SNAP23: variants seen among roughly 807,000 people sequenced by gnomAD.
SNAP23 encodes synaptosomal-associated protein 23.
Under a neutral mutation model 29.0 loss-of-function variants are expected in SNAP23, and 11 were observed. The observed-to-expected ratio is 0.38, with a 90% CI of 0.24 to 0.63. SNAP23 has a LOEUF of 0.63. Ranked by LOEUF, SNAP23 falls within the 20% of genes least tolerant of loss-of-function variation. The pLI is 0.58. For missense variants in SNAP23, 220 were observed against 253.9 expected (o/e 0.87, Z 0.91); for synonymous variants, 60 against 82.9 (o/e 0.72, Z 1.50).
intron 2 of SNAP23, chr15:42,512,266 T>A (rs2141524761): frequency 6.4e-6 from 1 of 157,378 alleles, no homozygotes; most frequent in African/African-American, 2.4e-5. Context: ...ACCATCCAAA[T>A]ATTCTCTTTT....
chr15:42,494,370 A>G (rs570698365), upstream of SNAP23, among the ~76,000 whole-genome samples: 13 of 151,492 alleles, frequency 8.6e-5, no homozygotes, highest in South Asian at 6.3e-4. Flanking sequence ...ATCCCTTAGG[A>G]ATAGACTACT....
intron 1 of SNAP23, among the ~76,000 whole-genome samples, chr15:42,503,309 C>T (rs2057291034): frequency 6.6e-6 from 1 of 151,806 alleles, no homozygotes; most frequent in Admixed American, 6.6e-5. Context: ...TCAAGTGATT[C>T]TCCTGCCTTA....
chr15:42,513,378 G>T (rs1468097866), intron 3 of SNAP23, 21 bp from the exon 4 acceptor site: 4 of 1,611,724 alleles, frequency 2.5e-6, no homozygotes, highest in Non-Finnish European at 3.4e-6. Context: ...TGTACTATCA[G>T]CTTTTCCCCC....
intron 1 of SNAP23, among the ~76,000 whole-genome samples, chr15:42,505,967 CAG>C (rs1036885062): frequency 1.3e-5 from 2 of 149,578 alleles, no homozygotes; most frequent in Admixed American, 1.3e-4. Flanking sequence ...TTTTTTGAGA[CAG>C]AGTCTTGCTC....
intron 5 of SNAP23, among the ~76,000 whole-genome samples, chr15:42,519,222 T>C (rs2057423349): frequency 1.3e-5 from 2 of 151,658 alleles, no homozygotes; most frequent in Admixed American, 1.3e-4. Flanking sequence ...GCCCAGCTAA[T>C]TTTTGTATTT....
At chr15:42,515,143 T>C in intron 4 of SNAP23, 94 bp from the exon 5 acceptor site, 2 of 720,532 alleles carry the variant, frequency 2.8e-6, no homozygotes, top group East Asian at 2.6e-5. Context: ...TATTGGTAGA[T>C]TCAAGGTTGA....
At chr15:42,492,495 TG>T (rs1288721041), upstream of SNAP23, among the ~76,000 whole-genome samples, 3 of 151,612 alleles carry the variant, frequency 2.0e-5, no homozygotes, top group African/African-American at 7.3e-5. Flanking sequence ...CTGGCCAACA[TG>T]GTGAAACCCC....
At chr15:42,511,067 T>C (rs935899899) in intron 1 of SNAP23, among the ~76,000 whole-genome samples, 3 of 152,244 alleles carry the variant, frequency 2.0e-5, no homozygotes, top group African/African-American at 7.2e-5. Flanking sequence ...ATGCTTGTTA[T>C]TACTCCACAT....
chr15:42,528,137 AC>A, intron 5 of SNAP23, 124 bp from the exon 6 acceptor site: 1 of 532,516 alleles, frequency 1.9e-6, no homozygotes, highest in Middle Eastern at 5.0e-4. Flanking sequence ...GATCATCTAG[AC>A]TTAGCTGTAT....
chr15:42,507,553 C>A (rs376783374), intron 1 of SNAP23, among the ~76,000 whole-genome samples: 1 of 152,146 alleles, frequency 6.6e-6, no homozygotes, highest in Non-Finnish European at 1.5e-5. Flanking sequence ...GAGAAAAGTA[C>A]GTTTAATGGC....
Position 42,503,515 on chromosome 15 carries a change from A to G in SNAP23, c.-15+7802A>G, listed in dbSNP as rs147999641. Among the ~76,000 whole-genome samples, 1,477 of 151,984 alleles carry G rather than the reference A, an allele frequency of 9.7e-3. 17 individuals are homozygous for G. Among genetic ancestry groups the G allele is most frequent in the African/African-American group, 0.034 (1,414 of 41,440 alleles). On this transcript the variant is annotated intron_variant, in intron 1 of 7. Transcript: ENST00000249647. ...CTCCCAAGTAGCTAGGATTACAGGC[A>G]CATGCCACCACGCCCAGCTAATTTT...
chr15:42,513,565 G>A, intron 4 of SNAP23, 118 bp downstream of exon 4: 1 of 775,432 alleles, frequency 1.3e-6, no homozygotes, highest in Non-Finnish European at 2.2e-6. Flanking sequence ...AAATAAGAAT[G>A]TTATGTTTAC....
intron 5 of SNAP23, among the ~76,000 whole-genome samples, chr15:42,518,553 G>C (rs1376212366): frequency 6.6e-6 from 1 of 150,446 alleles, no homozygotes; most frequent in Non-Finnish European, 1.5e-5. Context: ...CTGAGTAGCT[G>C]GGATTACAGG....
chr15:42,511,872 T>G lies in SNAP23; in HGVS notation c.26T>G (p.Ile9Ser), dbSNP rs369461741. MDNLSSEE[I>S]QQRAHQITDE... Reference sequence around the variant, plus strand: ...ATGGATAATCTGTCATCAGAAGAAATTCAACAGAGAGCTCACCAGATTACT... The same window carrying G: ...ATGGATAATCTGTCATCAGAAGAAAGTCAACAGAGAGCTCACCAGATTACT... The change falls in exon 2 of 8, where the codon ATT (isoleucine) becomes AGT (serine). Residue 9 changes from isoleucine to serine, a missense_variant. Physicochemically the swap from Ile to Ser is moderately radical, Grantham distance 142 (BLOSUM62 -2). Coordinates refer to ENST00000249647, the MANE Select transcript of SNAP23 (RefSeq NM_003825.4). 10 of 1,598,360 alleles carry G rather than the reference T, an allele frequency of 6.3e-6. No homozygotes were observed. In the African/African-American group the frequency reaches 1.3e-4, roughly 21 times the overall value.
At chr15:42,526,423 C>T (rs1298680209) in intron 5 of SNAP23, among the ~76,000 whole-genome samples, 1 of 152,102 alleles carries the variant, frequency 6.6e-6, no homozygotes, top group Non-Finnish European at 1.5e-5. Context: ...AGAACTAGCT[C>T]TTCAGTGTTC....
intron 1 of SNAP23, among the ~76,000 whole-genome samples, chr15:42,501,018 T>C: frequency 6.6e-6 from 1 of 152,194 alleles, no homozygotes; most frequent in Non-Finnish European, 1.5e-5. Context: ...TTTTGGAAAT[T>C]GAAATTACTT....
At chr15:42,492,185 A>G (rs1216821879), upstream of SNAP23, among the ~76,000 whole-genome samples, 3 of 147,684 alleles carry the variant, frequency 2.0e-5, no homozygotes, top group Non-Finnish European at 3.0e-5. Flanking sequence ...TGCTGGTATT[A>G]CAGGTGTGAG....
At chr15:42,516,530 T>G (rs547029774) in intron 5 of SNAP23, among the ~76,000 whole-genome samples, 1 of 151,930 alleles carries the variant, frequency 6.6e-6, no homozygotes, top group Non-Finnish European at 1.5e-5. Context: ...GGGGTTTCAC[T>G]ATGTTGGCCA....
At chr15:42,506,014 C>T (rs1349456347) in intron 1 of SNAP23, among the ~76,000 whole-genome samples, 2 of 149,096 alleles carry the variant, frequency 1.3e-5, no homozygotes, top group African/African-American at 2.5e-5. Flanking sequence ...GGCATGATCT[C>T]GACTAACTGC....
Sources: allele counts gnomAD v4.1 joint callset (sites outside exome capture counted in the v4.1 genomes callset), GRCh38; gene constraint gnomAD v4.1.1; transcripts MANE v1.5; gene names NCBI Gene and HGNC (gene_info 2026-07-23, HGNC 2026-07-21).